Variants in TOPBP1 observed in about 807,000 individuals in gnomAD.
TOPBP1 encodes DNA topoisomerase II binding protein 1, also known as DNA topoisomerase 2-binding protein 1.
TOPBP1 carries 28 observed loss-of-function variants against 167.7 expected under a neutral mutation model. The ratio of observed to expected loss-of-function variants is 0.17; its 90% CI spans 0.12 to 0.23. The LOEUF (loss-of-function observed/expected upper bound fraction) is 0.23. Among genes scored for constraint, TOPBP1 ranks in the 10% least tolerant of loss-of-function variants. The pLI is 1.00. For missense variants in TOPBP1, 1,554 were observed against 1,809.6 expected (o/e 0.86, Z 2.56); for synonymous variants, 598 against 611.4 (o/e 0.98, Z 0.32).
intron 14 of TOPBP1, among the ~76,000 whole-genome samples, chr3:133,633,409 C>G (rs1357988644): frequency 6.6e-6 from 1 of 152,164 alleles, no homozygotes; most frequent in Non-Finnish European, 1.5e-5. Context: ...GAAATAAGCT[C>G]TAGGCTTTCC....
intron 25 of TOPBP1, among the ~76,000 whole-genome samples, chr3:133,610,080 T>C (rs1331789120): frequency 6.6e-6 from 1 of 152,222 alleles, no homozygotes; most frequent in Non-Finnish European, 1.5e-5. Context: ...TAGCAGACAA[T>C]AACTAATATG....
intron 14 of TOPBP1, 124 bp from the exon 15 acceptor site, chr3:133,628,857 T>A: frequency 1.1e-6 from 1 of 879,292 alleles, no homozygotes; most frequent in African/African-American, 1.7e-5. Flanking sequence ...AGGGGGAGAA[T>A]CCTCAAAATT....
intron 14 of TOPBP1, among the ~76,000 whole-genome samples, chr3:133,635,830 A>G (rs958622355): frequency 6.6e-6 from 1 of 152,202 alleles, no homozygotes; most frequent in Admixed American, 6.6e-5. Context: ...ACGCACAAGA[A>G]TGTTCACAGT....
intron 27 of TOPBP1, among the ~76,000 whole-genome samples, chr3:133,604,270 G>C (rs918416537): frequency 1.3e-5 from 2 of 151,644 alleles, no homozygotes; most frequent in Non-Finnish European, 2.9e-5. Context: ...GAGTGGCTGG[G>C]ACTACAGGCA....
intron 27 of TOPBP1, among the ~76,000 whole-genome samples, chr3:133,606,984 G>T (rs1171255065): frequency 9.9e-5 from 15 of 151,970 alleles, no homozygotes; most frequent in Non-Finnish European, 1.9e-4. Flanking sequence ...AAAAGTGCTC[G>T]ATGTCATTAG....
At position 133,630,066 on chromosome 3, in the gene TOPBP1, G is replaced by A. The variant is rs561016362; in HGVS notation, c.2521-1333C>T. Among the ~76,000 whole-genome samples the A allele has an allele frequency of 3.2e-4, 48 of 152,176 alleles. No homozygotes were observed. The South Asian group carries it at 9.1e-3, about 29-fold the overall frequency. ...CTCCCAAAGTGCTGGGATAACAGGC[G>A]TGAGCCACCGCGCCTGGCTATATGT... On this transcript the variant is annotated intron_variant, in intron 14 of 27. Transcript: ENST00000260810.
intron 12 of TOPBP1, among the ~76,000 whole-genome samples, chr3:133,641,117 T>C (rs1935878191): frequency 6.6e-6 from 1 of 152,200 alleles, no homozygotes; most frequent in Non-Finnish European, 1.5e-5. Context: ...CTTAGTACTT[T>C]TATAATTTCA....
chr3:133,653,627 ATATT>A, intron 6 of TOPBP1, 103 bp from the exon 7 acceptor site: 2 of 1,073,716 alleles, frequency 1.9e-6, no homozygotes, highest in African/African-American at 3.4e-5. Flanking sequence ...TAACAGGTTA[ATATT>A]TTTTTTTTTT....
At chr3:133,615,993 A>G (rs1399634852) in intron 23 of TOPBP1, among the ~76,000 whole-genome samples, 1 of 152,212 alleles carries the variant, frequency 6.6e-6, no homozygotes, top group African/African-American at 2.4e-5. Context: ...GTGCTGCTCT[A>G]GTATACCAGA....
chr3:133,615,212 G>A (rs1441217309), intron 23 of TOPBP1, among the ~76,000 whole-genome samples: 2 of 152,118 alleles, frequency 1.3e-5, no homozygotes, highest in Admixed American at 6.6e-5. Context: ...GCTCATGCCT[G>A]TAATCCCAGC....
At chr3:133,609,962 GTTAAAA>G (rs555282947) in intron 25 of TOPBP1, among the ~76,000 whole-genome samples, 62 of 152,256 alleles carry the variant, frequency 4.1e-4, no homozygotes, top group African/African-American at 1.2e-3. Context: ...TTTAGAAAAT[GTTAAAA>G]TTAAAATATA....
chr3:133,636,899 T>C (rs2107805234), intron 14 of TOPBP1, among the ~76,000 whole-genome samples: 1 of 152,316 alleles, frequency 6.6e-6, no homozygotes, highest in South Asian at 2.1e-4. Context: ...TACAAAATGT[T>C]ACCTCAGAAG....
chr3:133,612,194 A>T (rs1934703396), intron 24 of TOPBP1, among the ~76,000 whole-genome samples, 195 bp downstream of exon 24: 1 of 151,842 alleles, frequency 6.6e-6, no homozygotes, highest in African/African-American at 2.4e-5. Flanking sequence ...GGCACTCACC[A>T]CCATGCCTGG....
chr3:133,634,515 T>A (rs1396355448), intron 14 of TOPBP1, among the ~76,000 whole-genome samples: 2 of 148,142 alleles, frequency 1.4e-5, no homozygotes, highest in Admixed American at 6.8e-5. Context: ...GACTCTGTCT[T>A]AAAAAAAAAA....
At chr3:133,658,627 C>T (rs558857418) in intron 3 of TOPBP1, among the ~76,000 whole-genome samples, 1 of 151,766 alleles carries the variant, frequency 6.6e-6, no homozygotes, top group African/African-American at 2.4e-5. Flanking sequence ...TGGCCAACAT[C>T]GAGAAACCCT....
At chr3:133,606,279 T>C (rs1013168170) in intron 27 of TOPBP1, among the ~76,000 whole-genome samples, 1 of 152,204 alleles carries the variant, frequency 6.6e-6, no homozygotes, top group African/African-American at 2.4e-5. Flanking sequence ...TAGAAATTTT[T>C]ATTTACAATA....
intron 5 of TOPBP1, among the ~76,000 whole-genome samples, chr3:133,656,255 CAT>C: frequency 6.6e-6 from 1 of 152,114 alleles, no homozygotes; most frequent in Middle Eastern, 3.4e-3. Flanking sequence ...TGATGACTTG[CAT>C]ATGTTTATAT....
chr3:133,613,551 C>T lies in TOPBP1; in HGVS notation c.3872-999G>A, dbSNP rs532185097. Reference sequence around the variant, plus strand: ...AATTTTTTATGAGTGGAAATAATGTCGGCAGACCAACAGAGAAGCTTGGGA... The same window carrying T: ...AATTTTTTATGAGTGGAAATAATGTTGGCAGACCAACAGAGAAGCTTGGGA... On this transcript the variant is annotated intron_variant, in intron 23 of 27. Transcript: ENST00000260810. Among the ~76,000 whole-genome samples, 19 of 152,070 alleles carry T rather than the reference C, an allele frequency of 1.2e-4. No homozygotes were observed. In the South Asian group the frequency reaches 1.7e-3, roughly 13 times the overall value.
intron 24 of TOPBP1, among the ~76,000 whole-genome samples, chr3:133,611,471 G>C (rs1246741468): frequency 6.6e-6 from 1 of 152,130 alleles, no homozygotes; most frequent in Non-Finnish European, 1.5e-5. Context: ...CTTCATGAAA[G>C]GACACAGTCT....
Sources: allele counts gnomAD v4.1 joint callset (sites outside exome capture counted in the v4.1 genomes callset), GRCh38; gene constraint gnomAD v4.1.1; transcripts MANE v1.5; gene names NCBI Gene and HGNC (gene_info 2026-07-23, HGNC 2026-07-21).